The following RAP1GDS1 variants were observed in gnomAD, a reference collection of about 807,000 sequenced individuals.
RAP1GDS1 encodes the protein RAP1, GTP-GDP dissociation stimulator 1.
A neutral mutation model predicts 71.1 loss-of-function variants in RAP1GDS1; 35 were observed. That is an observed-to-expected ratio of 0.49 (90% confidence interval 0.38 to 0.65). RAP1GDS1 has a LOEUF of 0.65. RAP1GDS1 is among the 30% of genes least tolerant of loss of function. RAP1GDS1 has a pLI of 0.00. For synonymous variants in RAP1GDS1, 229 were observed against 243.1 expected (o/e 0.94, Z 0.54); for missense variants, 663 against 706.1 (o/e 0.94, Z 0.69).
At chr4:98,394,726 A>AACTT (rs1314541155) in intron 6 of RAP1GDS1, among the ~76,000 whole-genome samples, 24 of 152,156 alleles carry the variant, frequency 1.6e-4, no homozygotes, top group African/African-American at 5.1e-4. Flanking sequence ...TAAGACAAAT[A>AACTT]ACTTACATAT....
chr4:98,261,742 G>C, intron 1 of RAP1GDS1, 173 bp downstream of exon 1: 1 of 861,730 alleles, frequency 1.2e-6, no homozygotes, highest in Non-Finnish European at 1.7e-6. Context: ...GCCGGGTGCC[G>C]GGGCTGGGAG....
rs746344805 is a variant in RAP1GDS1 at position 98,417,420 on chromosome 4, G to T, written c.961G>T (p.Val321Leu). The T allele has an allele frequency of 2.5e-6, 4 of 1,612,976 alleles. No homozygotes were observed. Among genetic ancestry groups the T allele is most frequent in the South Asian group, 2.2e-5 (2 of 91,024 alleles). Residue 321 changes from valine (V) to leucine (L), a missense_variant, in exon 9 of 15, where the codon GTA becomes TTA. Physicochemically the swap from Val to Leu is conservative, Grantham distance 32. Coordinates refer to ENST00000408927, the MANE Select transcript of RAP1GDS1 (RefSeq NM_001100427.2). ...AGGAAAAGGTAGTGTATTTCAAAGG[G>T]TACTCTCTTGGATCCCATCAAATAA... ...EGGKGSVFQR[V>L]LSWIPSNNHQ...
intron 1 of RAP1GDS1, among the ~76,000 whole-genome samples, chr4:98,284,495 C>G (rs1725685891): frequency 6.6e-6 from 1 of 152,100 alleles, no homozygotes; most frequent in South Asian, 2.1e-4. Flanking sequence ...CTATTTTAAC[C>G]AAACCATGTG....
intron 12 of RAP1GDS1, among the ~76,000 whole-genome samples, chr4:98,427,619 A>AAAAAT (rs1225419892): frequency 1.4e-4 from 22 of 152,170 alleles, no homozygotes; most frequent in Admixed American, 2.6e-4. Context: ...AATAGCTGCA[A>AAAAAT]AAAATAAAAT....
chr4:98,293,873 A>C (rs1381195551), intron 2 of RAP1GDS1, among the ~76,000 whole-genome samples: 1 of 151,966 alleles, frequency 6.6e-6, no homozygotes, highest in Non-Finnish European at 1.5e-5. Context: ...ATATGTGGGG[A>C]GAGTGGGGAG....
At chr4:98,340,322 TACTAC>T (rs1735313308) in intron 2 of RAP1GDS1, among the ~76,000 whole-genome samples, 1 of 152,208 alleles carries the variant, frequency 6.6e-6, no homozygotes, top group South Asian at 2.1e-4. Flanking sequence ...CACCATGGAA[TACTAC>T]ATAGTCATAA....
At chr4:98,320,250 A>G (rs1578422751) in intron 2 of RAP1GDS1, among the ~76,000 whole-genome samples, 1 of 152,210 alleles carries the variant, frequency 6.6e-6, no homozygotes, top group African/African-American at 2.4e-5. Context: ...TTTATCAGCA[A>G]TAATTAAATC....
chr4:98,286,372 A>G (rs499460), intron 1 of RAP1GDS1, among the ~76,000 whole-genome samples: 1,740 of 152,062 alleles, frequency 0.011, 16 homozygotes, highest in Non-Finnish European at 0.02. Flanking sequence ...TGTAGAGCCT[A>G]ATCACATATA....
chr4:98,394,909 A>G (rs949366064), intron 6 of RAP1GDS1, among the ~76,000 whole-genome samples: 5 of 152,130 alleles, frequency 3.3e-5, no homozygotes, highest in Non-Finnish European at 5.9e-5. Flanking sequence ...ATGGCCCATA[A>G]TAAGAAATAC....
At chr4:98,345,802 TTC>T (rs775855791) in intron 3 of RAP1GDS1, among the ~76,000 whole-genome samples, 5 of 152,206 alleles carry the variant, frequency 3.3e-5, no homozygotes, top group Non-Finnish European at 7.3e-5. Flanking sequence ...ACTAGTTTGT[TTC>T]TCTCCTTTCA....
intron 5 of RAP1GDS1, among the ~76,000 whole-genome samples, chr4:98,380,647 T>G (rs1012828446): frequency 6.6e-6 from 1 of 151,810 alleles, no homozygotes; most frequent in Non-Finnish European, 1.5e-5. Context: ...ATTTCCTAAA[T>G]AATTGAAATT....
intron 3 of RAP1GDS1, among the ~76,000 whole-genome samples, chr4:98,346,310 G>A (rs1018090154): frequency 6.6e-6 from 1 of 152,118 alleles, no homozygotes; most frequent in Non-Finnish European, 1.5e-5. Flanking sequence ...AGGACCTGGT[G>A]AGAGCATTAA....
chr4:98,266,483 A>G (rs1220692446), intron 1 of RAP1GDS1, among the ~76,000 whole-genome samples: 1 of 152,120 alleles, frequency 6.6e-6, no homozygotes, highest in African/African-American at 2.4e-5. Flanking sequence ...TATCAAACTT[A>G]TAGTCATTTT....
At chr4:98,366,308 A>G (rs1341020125) in intron 4 of RAP1GDS1, among the ~76,000 whole-genome samples, 1 of 152,170 alleles carries the variant, frequency 6.6e-6, no homozygotes, top group East Asian at 1.9e-4. Flanking sequence ...CATTGAAGAC[A>G]TGACTTGCTT....
chr4:98,300,381 TAC>T (rs1728395055), intron 2 of RAP1GDS1, among the ~76,000 whole-genome samples: 1 of 152,022 alleles, frequency 6.6e-6, no homozygotes, highest in Non-Finnish European at 1.5e-5. Context: ...CTCAGTAGAC[TAC>T]AGTATAGTGT....
intron 2 of RAP1GDS1, among the ~76,000 whole-genome samples, chr4:98,308,567 A>G (rs2110313798): frequency 6.6e-6 from 1 of 152,076 alleles, no homozygotes; most frequent in East Asian, 1.9e-4. Context: ...AGTCTCTACC[A>G]TTTTATTGCT....
chr4:98,313,304 C>T (rs1730530598), intron 2 of RAP1GDS1, among the ~76,000 whole-genome samples: 1 of 152,122 alleles, frequency 6.6e-6, no homozygotes, highest in South Asian at 2.1e-4. Flanking sequence ...AAGAGCAAAT[C>T]TGCTTTACTG....
At chr4:98,388,686 A>G (rs1439416631) in intron 5 of RAP1GDS1, among the ~76,000 whole-genome samples, 1 of 152,166 alleles carries the variant, frequency 6.6e-6, no homozygotes, top group African/African-American at 2.4e-5. Context: ...AGATCACACC[A>G]CCGCACTCCA....
chr4:98,279,389 GAT>G (rs1724718532), intron 1 of RAP1GDS1, among the ~76,000 whole-genome samples: 1 of 150,928 alleles, frequency 6.6e-6, no homozygotes, highest in African/African-American at 2.4e-5. Flanking sequence ...AAAATTTTAA[GAT>G]AATTACATTT....
Sources: gnomAD v4.1 joint callset for allele counts (sites outside exome capture counted in the v4.1 genomes callset) on GRCh38, gnomAD v4.1.1 for gene constraint, MANE v1.5 for transcripts, NCBI Gene and HGNC (gene_info 2026-07-23, HGNC 2026-07-21) for gene names.